Variants in SMIM38 observed in about 807,000 individuals in gnomAD.
The protein encoded by SMIM38 is small integral membrane protein 38.
rs1857061469 is a variant in SMIM38 at position 69,162,419 on chromosome 11, TTAAA to T, written c.*4328_*4331del. 1 of 152,112 alleles carries T rather than the reference TTAAA, an allele frequency of 6.6e-6. No homozygotes were observed. The highest frequency in any genetic ancestry group is 2.4e-5 in the African/African-American group (1 of 41,420). 9.4% of individuals were successfully genotyped at this position (152,112 alleles called of 1,614,324 possible). A position where few individuals can be genotyped will look rare whatever the true frequency, so the allele number is the denominator to read the frequency against. ...ATAATACTATTTTGGACAGATTGGG[TTAAA>T]TAAAATATTAAATTTGATTTCGCCT... On this transcript the variant is annotated 3_prime_UTR_variant, in exon 3 of 3. Transcript: ENST00000686237.
chr11:69,156,793 T>C (rs1340709594), intron 1 of SMIM38, among the ~76,000 whole-genome samples: 1 of 152,154 alleles, frequency 6.6e-6, no homozygotes, highest in Non-Finnish European at 1.5e-5. Context: ...TGCTTCACTT[T>C]CTAAGGCAGG....
At position 69,157,799 on chromosome 11, in the gene SMIM38, C is replaced by T. The variant is rs373751325; in HGVS notation, c.-48C>T. 9 of 398,630 alleles carry T rather than the reference C, an allele frequency of 2.3e-5. No individual in the cohort carries two copies. The highest frequency in any genetic ancestry group is 1.1e-4 in the East Asian group (3 of 28,072). The allele number at this position is 398,630 out of a possible 1,614,324, so 24.7% of individuals were successfully genotyped here. A position where few individuals can be genotyped will look rare whatever the true frequency, so the allele number is the denominator to read the frequency against. The stretch of plus-strand genomic sequence containing the variant: ...AGGGTGGCAGGGCCCCACTGCATCT[C>T]GGTTCCAGGGCAGAGGCTGCTGCTG... On this transcript the variant is annotated 5_prime_UTR_variant, in exon 2 of 3. Coordinates refer to ENST00000686237, the MANE Select transcript of SMIM38 (RefSeq NM_001369201.2).
At position 69,157,653 on chromosome 11, in the gene SMIM38, C is replaced by A. The variant is rs566154535; in HGVS notation, c.-194C>A. The stretch of plus-strand genomic sequence containing the variant: ...GCTGGAGTCTGGCGGGCAGATCTGG[C>A]CTGCTTGGTGGCACCAGAGAGAACA... On this transcript the variant is annotated 5_prime_UTR_variant, in exon 2 of 3. Coordinates refer to ENST00000686237, the MANE Select transcript of SMIM38 (RefSeq NM_001369201.2). The A allele has an allele frequency of 8.4e-5, 33 of 395,172 alleles. No homozygotes were observed. In the East Asian group the frequency reaches 1.0e-3, roughly 12 times the overall value. 24.5% of individuals were successfully genotyped at this position (395,172 alleles called of 1,614,324 possible).
Position 69,157,602 on chromosome 11 carries a change from C to T in SMIM38, c.-245C>T, listed in dbSNP as rs1176462791. On this transcript the variant is annotated 5_prime_UTR_variant, in exon 2 of 3. Transcript: ENST00000686237. ...AGGCTGCTCGTCGTCCCCAGTCTGT[C>T]CTCTCACATGCCAGGGAGGCCCCGG... 7.8e-6 allele frequency: 3 copies of T among 382,350 alleles called. No homozygotes were observed. The highest frequency in any genetic ancestry group is 6.2e-5 in the African/African-American group (3 of 48,328). 23.7% of individuals were successfully genotyped at this position (382,350 alleles called of 1,614,324 possible).
intron 1 of SMIM38, among the ~76,000 whole-genome samples, 172 bp downstream of exon 1, chr11:69,156,286 G>T (rs371008550): frequency 6.6e-6 from 1 of 152,250 alleles, no homozygotes; most frequent in African/African-American, 2.4e-5. Context: ...GGCCCCCATT[G>T]CTGTTCTCTG....
rs1057004346 is a variant in SMIM38 at position 69,158,000 on chromosome 11, T to TA, written c.156dup. The change falls in exon 2 of 3, where the codon TAA becomes TAAA. Residue 52 remains the stop codon, a frameshift_variant and stop_retained_variant. Transcript: ENST00000686237. LOFTEE classifies it high-confidence loss of function. ...GCGGCCCCAGAAACCCAAGCAGGACTAAGCCTCTGCAGGCTGCGGCCTCCA... is the reference window on the plus strand; with the variant it reads ...GCGGCCCCAGAAACCCAAGCAGGACTAAAGCCTCTGCAGGCTGCGGCCTCCA... ...QRRPQKPKQD[*] 12 of 398,916 alleles carry TA rather than the reference T, an allele frequency of 3.0e-5. No homozygotes were observed. Among genetic ancestry groups the TA allele is most frequent in the African/African-American group, 1.8e-4 (9 of 48,752 alleles). The allele number at this position is 398,916 out of a possible 1,614,324, so 24.7% of individuals were successfully genotyped here.
rs1469944173 is a variant in SMIM38, at chr11:69,158,119, G to T, written c.*117G>T. The T allele has an allele frequency of 5.0e-6, 2 of 397,160 alleles. No homozygotes were observed. The highest frequency in any genetic ancestry group is 8.9e-6 in the Non-Finnish European group (2 of 225,644). The allele number at this position is 397,160 out of a possible 1,614,324, so 24.6% of individuals were successfully genotyped here. ...ATGATCCCCATGTCCCACCCCTGGG[G>T]CAGGAGCTCAGAGAGGCCTGAGATG... On this transcript the variant is annotated 3_prime_UTR_variant, in exon 2 of 3. Transcript: ENST00000686237.
In SMIM38 at chr11:69,157,939, C is replaced by G. The variant is rs1212562612; in HGVS notation, c.93C>G (p.Cys31Trp). 1 of 398,960 alleles carries G rather than the reference C, an allele frequency of 2.5e-6. No individual in the cohort carries two copies. Among genetic ancestry groups the G allele is most frequent in the East Asian group, 3.6e-5 (1 of 28,084 alleles). The allele number at this position is 398,960 out of a possible 1,614,324, so 24.7% of individuals were successfully genotyped here. Residue 31 changes from cysteine to tryptophan, a missense_variant, in exon 2 of 3, where the codon TGC (cysteine) becomes TGG (tryptophan). By Grantham distance (215) the Cys-to-Trp change is radical (BLOSUM62 -2). Transcript: ENST00000686237. ...TAGCACGCCTCATCCTGTGGTCCTG[C>G]CTCGGGACCTACATCGACTACAGAC... ...ILLARLILWS[C>W]LGTYIDYRLA...
intron 1 of SMIM38, among the ~76,000 whole-genome samples, chr11:69,156,547 C>T (rs1338736112): frequency 1.3e-5 from 2 of 151,886 alleles, no homozygotes; most frequent in East Asian, 3.9e-4. Context: ...ATTGGGTGTG[C>T]ACACGTGTGA....
At position 69,161,900 on chromosome 11, in the gene SMIM38, C is replaced by T. The variant is rs1857056923; in HGVS notation, c.*3804C>T. ...TAAGGTCATTAGGGTGAGCCCTAAT[C>T]CAAAGGATGGGTGTCCTAATCAGAG... On this transcript the variant is annotated 3_prime_UTR_variant, in exon 3 of 3. Transcript: ENST00000686237. 1 of 152,050 alleles carries T rather than the reference C, an allele frequency of 6.6e-6. No individual in the cohort carries two copies. Among genetic ancestry groups the T allele is most frequent in the South Asian group, 2.1e-4 (1 of 4,828 alleles). The allele number at this position is 152,050 out of a possible 1,614,324, so 9.4% of individuals were successfully genotyped here. A position where few individuals can be genotyped will look rare whatever the true frequency, so the allele number is the denominator to read the frequency against.
rs1337891366 is a variant in SMIM38, at chr11:69,160,728, A to G, written c.*2632A>G. Reference sequence around the variant, plus strand: ...TTTCTGTTCCTGGAAAATGGACACAATTCTGATGAATTCATGTATTCTGCA... The same window carrying G: ...TTTCTGTTCCTGGAAAATGGACACAGTTCTGATGAATTCATGTATTCTGCA... On this transcript the variant is annotated 3_prime_UTR_variant, in exon 3 of 3. Coordinates refer to ENST00000686237, the MANE Select transcript of SMIM38 (RefSeq NM_001369201.2). 6.6e-6 allele frequency: 1 copy of G among 152,188 alleles called. No individual in the cohort carries two copies. Among genetic ancestry groups the G allele is most frequent in the East Asian group, 1.9e-4 (1 of 5,194 alleles). 9.4% of individuals were successfully genotyped at this position (152,188 alleles called of 1,614,324 possible). A position where few individuals can be genotyped will look rare whatever the true frequency, so the allele number is the denominator to read the frequency against.
chr11:69,157,641 G>A lies in SMIM38; in HGVS notation c.-206G>A, dbSNP rs547955883. ...GGGAGGCCCCGGGCTGGAGTCTGGC[G>A]GGCAGATCTGGCCTGCTTGGTGGCA... On this transcript the variant is annotated 5_prime_UTR_variant, in exon 2 of 3. Transcript: ENST00000686237. 1.2e-4 allele frequency: 47 copies of A among 393,586 alleles called. No homozygotes were observed. The highest frequency in any genetic ancestry group is 6.0e-4 in the African/African-American group (29 of 48,630). 24.4% of individuals were successfully genotyped at this position (393,586 alleles called of 1,614,324 possible).
chr11:69,158,064 T>C lies in SMIM38; in HGVS notation c.*62T>C. Reference sequence around the variant, plus strand: ...GAGACTCAGCCGGCCCTTCCAGTGGTGGTGGGAGGGAGGGGAGCAGGGCAG... The same window carrying C: ...GAGACTCAGCCGGCCCTTCCAGTGGCGGTGGGAGGGAGGGGAGCAGGGCAG... On this transcript the variant is annotated 3_prime_UTR_variant, in exon 2 of 3. Transcript: ENST00000686237. The C allele has an allele frequency of 2.5e-6, 1 of 398,032 alleles. No homozygotes were observed. Among genetic ancestry groups the C allele is most frequent in the Middle Eastern group, 6.3e-4 (1 of 1,588 alleles). 24.7% of individuals were successfully genotyped at this position (398,032 alleles called of 1,614,324 possible).
At position 69,161,577 on chromosome 11, in the gene SMIM38, T is replaced by C. The variant is rs1857054208; in HGVS notation, c.*3481T>C. On this transcript the variant is annotated 3_prime_UTR_variant, in exon 3 of 3. Coordinates refer to ENST00000686237, the MANE Select transcript of SMIM38 (RefSeq NM_001369201.2). ...CTTGGGGCCTCCTAAGAAAATGTTT[T>C]AATAAGGAAGTCCAAGGCTGAGACA... 6.6e-6 allele frequency: 1 copy of C among 152,182 alleles called. No individual in the cohort carries two copies. The allele number at this position is 152,182 out of a possible 1,614,324, so 9.4% of individuals were successfully genotyped here.
chr11:69,156,591 CGTGTGT>C (rs10651002), intron 1 of SMIM38, among the ~76,000 whole-genome samples: 5 of 150,812 alleles, frequency 3.3e-5, no homozygotes, highest in Admixed American at 6.6e-5. Flanking sequence ...CATGTGTATG[CGTGTGT>C]GTGTGTGTGT....
Position 69,162,329 on chromosome 11 carries a change from G to A in SMIM38, c.*4233G>A, listed in dbSNP as rs1857060776. The A allele has an allele frequency of 6.6e-6, 1 of 152,160 alleles. No individual in the cohort carries two copies. Among genetic ancestry groups the A allele is most frequent in the South Asian group, 2.1e-4 (1 of 4,830 alleles). The allele number at this position is 152,160 out of a possible 1,614,324, so 9.4% of individuals were successfully genotyped here. On this transcript the variant is annotated 3_prime_UTR_variant, in exon 3 of 3. Transcript: ENST00000686237. ...AGTAAAATGCGTACTGGCTATTGAA[G>A]ACTTGGCACAGAAAAATAATGTAAA...
rs141723976 is a variant in SMIM38, at chr11:69,162,386, G to T, written c.*4290G>T. On this transcript the variant is annotated 3_prime_UTR_variant, in exon 3 of 3. Transcript: ENST00000686237. ...TTAGTAATGGTTTTATATTGATTAC[G>T]CATTGAAATAATACTATTTTGGACA... 1.3e-5 allele frequency: 2 copies of T among 152,136 alleles called. No individual in the cohort carries two copies. Among genetic ancestry groups the T allele is most frequent in the African/African-American group, 4.8e-5 (2 of 41,436 alleles). The allele number at this position is 152,136 out of a possible 1,614,324, so 9.4% of individuals were successfully genotyped here.
At position 69,158,852 on chromosome 11, in the gene SMIM38, C is replaced by A. The variant is rs1291690373; in HGVS notation, c.*850C>A. 1 of 152,286 alleles carries A rather than the reference C, an allele frequency of 6.6e-6. No homozygotes were observed. Among genetic ancestry groups the A allele is most frequent in the Non-Finnish European group, 1.5e-5 (1 of 68,062 alleles). The allele number at this position is 152,286 out of a possible 1,614,324, so 9.4% of individuals were successfully genotyped here. ...GCCGTGATGCCAGTGACTTAACCCA[C>A]AGCTTGGGGAAGCTCAAAGGCTCCA... On this transcript the variant is annotated 3_prime_UTR_variant, in exon 2 of 3. Coordinates refer to ENST00000686237, the MANE Select transcript of SMIM38 (RefSeq NM_001369201.2).
rs1331620685 is a variant in SMIM38 at position 69,158,966 on chromosome 11, T to G, written c.*964T>G. 1 of 152,268 alleles carries G rather than the reference T, an allele frequency of 6.6e-6. No individual in the cohort carries two copies. The highest frequency in any genetic ancestry group is 1.5e-5 in the Non-Finnish European group (1 of 68,060). The allele number at this position is 152,268 out of a possible 1,614,324, so 9.4% of individuals were successfully genotyped here. A position where few individuals can be genotyped will look rare whatever the true frequency, so the allele number is the denominator to read the frequency against. ...GGGATCGTTCCAGCAGATCGTGGAT[T>G]GCAGCGAGGGCTGCTGACTGCATGC... is the stretch of plus-strand genomic sequence containing the variant. On this transcript the variant is annotated 3_prime_UTR_variant, in exon 2 of 3. Transcript: ENST00000686237.
Sources: gnomAD v4.1 joint callset for allele counts (sites outside exome capture counted in the v4.1 genomes callset) on GRCh38, gnomAD v4.1.1 for gene constraint, MANE v1.5 for transcripts, NCBI Gene and HGNC (gene_info 2026-07-23, HGNC 2026-07-21) for gene names.